Variants in ZNF470 observed in about 807,000 individuals in gnomAD.
The protein encoded by ZNF470 is chondrogenesis zinc finger protein 1.
Under a neutral mutation model 13.9 loss-of-function variants are expected in ZNF470, and 13 were observed. The observed-to-expected ratio is 0.94, with a 90% CI of 0.61 to 1.49. ZNF470 has a LOEUF of 1.49. Among genes scored for constraint, ZNF470 ranks in the 40% most tolerant of loss-of-function variants. ZNF470 has a pLI of 0.00. For synonymous variants in ZNF470, 293 were observed against 282.9 expected (o/e 1.04, Z -0.36); for missense variants, 929 against 857.3 (o/e 1.08, Z -1.04).
rs1320717996 is a variant in ZNF470 at position 56,574,514 on chromosome 19, T to G, written c.181T>G (p.Ser61Ala). ...VMLENYRNLV[S>A]VGLCISKPDV... ...GTTAGAAAACTACAGGAACCTAGTT[T>G]CAGTGGGTAAGAGTATCTTCCTCCT... Residue 61 changes from serine to alanine, a missense_variant, in exon 4 of 6, where the codon TCA becomes GCA. Physicochemically the swap from Ser to Ala is moderately conservative, Grantham distance 99. Coordinates refer to ENST00000330619, the MANE Select transcript of ZNF470 (RefSeq NM_001001668.4). 1.2e-6 allele frequency: 2 copies of G among 1,613,700 alleles called. No individual in the cohort carries two copies. Among genetic ancestry groups the G allele is most frequent in the Non-Finnish European group, 1.7e-6 (2 of 1,179,766 alleles).
At chr19:56,569,547 A>G (rs905463235) in intron 2 of ZNF470, among the ~76,000 whole-genome samples, 3 of 152,206 alleles carry the variant, frequency 2.0e-5, no homozygotes, top group Non-Finnish European at 2.9e-5. Flanking sequence ...AATTTGTGTG[A>G]CTTGTGGAAA....
chr19:56,580,616 C>G lies in ZNF470; in HGVS notation c.*2033C>G, dbSNP rs1317722615. ...AAGAGTACTTTTTTTTTTTTTTCAA[C>G]TGAAGCACCCAGAGCTCTTGGGTTC... On this transcript the variant is annotated 3_prime_UTR_variant, in exon 6 of 6. Transcript: ENST00000330619. The G allele has an allele frequency of 7.4e-6, 1 of 135,500 alleles. No homozygotes were observed. Among genetic ancestry groups the G allele is most frequent in the African/African-American group, 2.9e-5 (1 of 33,934 alleles). The allele number at this position is 135,500 out of a possible 1,614,324, so 8.4% of individuals were successfully genotyped here. A position where few individuals can be genotyped will look rare whatever the true frequency, so the allele number is the denominator to read the frequency against.
intron 3 of ZNF470, among the ~76,000 whole-genome samples, chr19:56,571,529 G>A (rs1398597839): frequency 2.6e-5 from 4 of 152,024 alleles, no homozygotes; most frequent in African/African-American, 7.2e-5. Context: ...ATTGCTTATT[G>A]TAAGAAAGTA....
intron 3 of ZNF470, among the ~76,000 whole-genome samples, chr19:56,572,677 CAGG>C (rs2044463774): frequency 8.4e-6 from 1 of 119,294 alleles, no homozygotes; most frequent in Non-Finnish European, 1.7e-5. Flanking sequence ...GAAAGAGCTG[CAGG>C]AGAAGCCTTC....
At position 56,579,524 on chromosome 19, in the gene ZNF470, T is replaced by C; in HGVS notation, c.*941T>C. 1 of 985,406 alleles carries C rather than the reference T, an allele frequency of 1.0e-6. No individual in the cohort carries two copies. The highest frequency in any genetic ancestry group is 1.2e-6 in the Non-Finnish European group (1 of 829,916). The allele number at this position is 985,406 out of a possible 1,614,324, so 61.0% of individuals were successfully genotyped here. On this transcript the variant is annotated 3_prime_UTR_variant, in exon 6 of 6. Transcript: ENST00000330619. ...AGCCAAAAAAACTTGAATAGATTAA[T>C]AGCCATGAAACACTGAAAAGGGTAG...
Position 56,581,144 on chromosome 19 carries a change from G to C in ZNF470, c.*2561G>C. On this transcript the variant is annotated 3_prime_UTR_variant, in exon 6 of 6. Coordinates refer to ENST00000330619, the MANE Select transcript of ZNF470 (RefSeq NM_001001668.4). ...CAGATATAATAAAGGACTGTAATTC[G>C]TGATATTCAAAGTACTATTACAAAC... is the stretch of plus-strand genomic sequence containing the variant. 1 of 876,492 alleles carries C rather than the reference G, an allele frequency of 1.1e-6. No homozygotes were observed. Among genetic ancestry groups the C allele is most frequent in the Non-Finnish European group, 1.4e-6 (1 of 731,034 alleles). The allele number at this position is 876,492 out of a possible 1,614,324, so 54.3% of individuals were successfully genotyped here. A position where few individuals can be genotyped will look rare whatever the true frequency, so the allele number is the denominator to read the frequency against.
intron 3 of ZNF470, chr19:56,574,081 C>T (rs1012471738): frequency 1.4e-5 from 6 of 419,532 alleles, no homozygotes; most frequent in East Asian, 3.2e-4. Context: ...AATAGCATTG[C>T]GTTAGCACTT....
Position 56,568,740 on chromosome 19 carries a change from C to G in ZNF470, c.-158-18C>G, listed in dbSNP as rs1461783949. 6.6e-6 allele frequency: 1 copy of G among 152,140 alleles called. No homozygotes were observed. The highest frequency in any genetic ancestry group is 1.9e-4 in the East Asian group (1 of 5,182). 9.4% of individuals were successfully genotyped at this position (152,140 alleles called of 1,614,324 possible). ...TCACAACATTATGAAGTAGGAACTA[C>G]TTACCTCTTTTTTACAGATGAAGAC... On this transcript the variant is annotated intron_variant, in intron 1 of 5. Coordinates refer to ENST00000330619, the MANE Select transcript of ZNF470 (RefSeq NM_001001668.4).
At position 56,577,588 on chromosome 19, in the gene ZNF470, C is replaced by G. The variant is rs183366197; in HGVS notation, c.1159C>G (p.Arg387Gly). ...GCAGAATGCTTCTCTTATACGTCAT[C>G]GGCGATATTATCATACTGGAGAGAA... Reference protein sequence around the residue: ...FRQNASLIRHRRYYHTGEKPF... With the variant: ...FRQNASLIRHGRYYHTGEKPF... The change falls in exon 6 of 6, where the codon CGG (arginine) becomes GGG (glycine). Residue 387 changes from arginine (R) to glycine (G), a missense_variant. Arg to Gly is a moderately radical substitution (Grantham distance 125). Transcript: ENST00000330619. 6.2e-7 allele frequency: 1 copy of G among 1,614,048 alleles called. No homozygotes were observed. The highest frequency in any genetic ancestry group is 2.2e-5 in the East Asian group (1 of 44,880).
In ZNF470 at chr19:56,567,979, G is replaced by A. The variant is rs1160770713; in HGVS notation, c.-218G>A. 1.0e-6 allele frequency: 1 copy of A among 985,558 alleles called. No homozygotes were observed. Among genetic ancestry groups the A allele is most frequent in the Non-Finnish European group, 1.2e-6 (1 of 830,120 alleles). 61.1% of individuals were successfully genotyped at this position (985,558 alleles called of 1,614,324 possible). A position where few individuals can be genotyped will look rare whatever the true frequency, so the allele number is the denominator to read the frequency against. ...CCTATCTGGAAGGGGCAGAGCCCAG[G>A]ACAGGGCTCCATGTCCACAGGACGG... On this transcript the variant is annotated 5_prime_UTR_variant, in exon 1 of 6. Transcript: ENST00000330619.
Position 56,579,414 on chromosome 19 carries a change from A to T in ZNF470, c.*831A>T. ...TTCCAGCTGGGCAGCAGAGCCAGAC[A>T]CTGTCTCAAGGAAAAACAAAGAACA... On this transcript the variant is annotated 3_prime_UTR_variant, in exon 6 of 6. Coordinates refer to ENST00000330619, the MANE Select transcript of ZNF470 (RefSeq NM_001001668.4). 1.0e-6 allele frequency: 1 copy of T among 979,306 alleles called. No homozygotes were observed. The allele number at this position is 979,306 out of a possible 1,614,324, so 60.7% of individuals were successfully genotyped here.
Position 56,579,243 on chromosome 19 carries a change from G to A in ZNF470, c.*660G>A. The A allele has an allele frequency of 1.4e-6, 1 of 727,572 alleles. No individual in the cohort carries two copies. The highest frequency in any genetic ancestry group is 6.2e-5 in the South Asian group (1 of 16,064). The allele number at this position is 727,572 out of a possible 1,614,324, so 45.1% of individuals were successfully genotyped here. ...TCGAGACCAACCTGAGCAACATGGT[G>A]AAACCCTGTCTCTACAAAAAATACA... On this transcript the variant is annotated 3_prime_UTR_variant, in exon 6 of 6. Coordinates refer to ENST00000330619, the MANE Select transcript of ZNF470 (RefSeq NM_001001668.4).
At chr19:56,572,026 G>T (rs184208040) in intron 3 of ZNF470, among the ~76,000 whole-genome samples, 2 of 151,550 alleles carry the variant, frequency 1.3e-5, no homozygotes, top group Non-Finnish European at 2.9e-5. Context: ...GTTTCTTAGC[G>T]CATTTGGACA....
intron 3 of ZNF470, among the ~76,000 whole-genome samples, chr19:56,573,756 A>C (rs940259970): frequency 1.3e-5 from 2 of 152,266 alleles, no homozygotes; most frequent in South Asian, 2.1e-4. Context: ...AGCCTGGGCA[A>C]TATAGTAAGA....
At chr19:56,573,293 C>G (rs907671231) in intron 3 of ZNF470, among the ~76,000 whole-genome samples, 2 of 152,088 alleles carry the variant, frequency 1.3e-5, no homozygotes, top group African/African-American at 4.8e-5. Context: ...AGATCTGTTT[C>G]TTCATTTAAT....
intron 5 of ZNF470, among the ~76,000 whole-genome samples, chr19:56,575,154 T>C (rs1394458129): frequency 6.6e-6 from 1 of 152,180 alleles, no homozygotes; most frequent in Non-Finnish European, 1.5e-5. Context: ...TTGTATTTCT[T>C]GTGTTATTTA....
At position 56,581,532 on chromosome 19, in the gene ZNF470, G is replaced by A; in HGVS notation, c.*2949G>A. 1 of 790,520 alleles carries A rather than the reference G, an allele frequency of 1.3e-6. No individual in the cohort carries two copies. Among genetic ancestry groups the A allele is most frequent in the South Asian group, 5.8e-5 (1 of 17,200 alleles). The allele number at this position is 790,520 out of a possible 1,614,324, so 49.0% of individuals were successfully genotyped here. A position where few individuals can be genotyped will look rare whatever the true frequency, so the allele number is the denominator to read the frequency against. ...TCAGGGTAATAAATAAATTAATTAT[G>A]GTATATATCCATTCAATAGGAATTA... On this transcript the variant is annotated 3_prime_UTR_variant, in exon 6 of 6. Transcript: ENST00000330619.
In ZNF470 at chr19:56,582,178, G is replaced by GATT; in HGVS notation, c.*3599_*3601dup. The GATT allele has an allele frequency of 2.0e-6, 2 of 985,354 alleles. No individual in the cohort carries two copies. The highest frequency in any genetic ancestry group is 2.4e-6 in the Non-Finnish European group (2 of 829,916). The allele number at this position is 985,354 out of a possible 1,614,324, so 61.0% of individuals were successfully genotyped here. On this transcript the variant is annotated 3_prime_UTR_variant, in exon 6 of 6. Coordinates refer to ENST00000330619, the MANE Select transcript of ZNF470 (RefSeq NM_001001668.4). The stretch of plus-strand genomic sequence containing the variant: ...CATGGTGTGCGATGAGCAAACGCCT[G>GATT]ATTATTCATTATAGTCACCTGGGAT...
Position 56,579,182 on chromosome 19 carries a change from G to A in ZNF470, c.*599G>A. 1 of 979,928 alleles carries A rather than the reference G, an allele frequency of 1.0e-6. No homozygotes were observed. The allele number at this position is 979,928 out of a possible 1,614,324, so 60.7% of individuals were successfully genotyped here. A position where few individuals can be genotyped will look rare whatever the true frequency, so the allele number is the denominator to read the frequency against. On this transcript the variant is annotated 3_prime_UTR_variant, in exon 6 of 6. Transcript: ENST00000330619. ...CATGCCTGTAGTCCCAGCACTTTGG[G>A]AGGCTGAGGCAGGCAGATTGCTTGA... is the stretch of plus-strand genomic sequence containing the variant.
Sources: allele counts gnomAD v4.1 joint callset (sites outside exome capture counted in the v4.1 genomes callset), GRCh38; gene constraint gnomAD v4.1.1; transcripts MANE v1.5; gene names NCBI Gene and HGNC (gene_info 2026-07-23, HGNC 2026-07-21).